The following BLM variants were observed in gnomAD, a reference collection of about 807,000 sequenced individuals.
BLM encodes BLM RecQ like helicase.
A neutral mutation model predicts 135.3 loss-of-function variants in BLM; 95 were observed. The ratio of observed to expected loss-of-function variants is 0.70; its 90% CI spans 0.59 to 0.83. The LOEUF (loss-of-function observed/expected upper bound fraction) is 0.83. Among genes scored for constraint, BLM ranks in the 40% least tolerant of loss-of-function variants. The probability of loss-of-function intolerance (pLI) is 0.00; values close to 1 mark genes in which losing one functional copy is unlikely to be tolerated. For synonymous variants in BLM, 520 were observed against 589.2 expected, an observed-to-expected ratio of 0.88 and a Z score of 1.70; for missense variants, 1,518 against 1,663.9, an observed-to-expected ratio of 0.91 and a Z score of 1.53.
At chr15:90,741,615 A>G (rs115135302) in intron 1 of BLM, among the ~76,000 whole-genome samples, 150 of 152,320 alleles carry the variant, frequency 9.8e-4, no homozygotes, top group African/African-American at 3.3e-3. Flanking sequence ...GTCAAAAACT[A>G]TGAAGGGTCT....
chr15:90,773,118 A>AAC (rs1896369946), intron 12 of BLM, among the ~76,000 whole-genome samples: 1 of 147,376 alleles, frequency 6.8e-6, no homozygotes, highest in Non-Finnish European at 1.5e-5. Flanking sequence ...AAAAAAAAAA[A>AAC]AGATAAAAGC....
intron 12 of BLM, among the ~76,000 whole-genome samples, chr15:90,775,632 C>T (rs2151172234): frequency 6.6e-6 from 1 of 151,982 alleles, no homozygotes; most frequent in South Asian, 2.1e-4. Context: ...CCGCCTCAGC[C>T]TCCTGAGTAG....
At chr15:90,724,215 G>T (rs1452109750) in intron 1 of BLM, among the ~76,000 whole-genome samples, 1 of 151,920 alleles carries the variant, frequency 6.6e-6, no homozygotes, top group Non-Finnish European at 1.5e-5. Context: ...GTCTTGCTTT[G>T]TTGCCTAGGC....
chr15:90,721,542 C>G (rs576945644), intron 1 of BLM, among the ~76,000 whole-genome samples: 4 of 152,056 alleles, frequency 2.6e-5, no homozygotes, highest in Non-Finnish European at 4.4e-5. Context: ...AGGCTGGTCT[C>G]AAACTCCTGA....
intron 1 of BLM, among the ~76,000 whole-genome samples, chr15:90,742,747 C>T (rs1895400279): frequency 1.3e-5 from 2 of 151,790 alleles, no homozygotes; most frequent in African/African-American, 2.4e-5. Flanking sequence ...TGATCCTTCC[C>T]ACCTCAGCCT....
At chr15:90,772,352 A>G (rs1036135028) in intron 12 of BLM, among the ~76,000 whole-genome samples, 5 of 152,324 alleles carry the variant, frequency 3.3e-5, no homozygotes, top group African/African-American at 9.6e-5. Context: ...GGGCCTTAAA[A>G]TATGAACTGG....
chr15:90,810,073 CT>C (rs35012069), intron 20 of BLM, among the ~76,000 whole-genome samples: 15,436 of 143,764 alleles, frequency 0.11, 1,400 homozygotes, highest in African/African-American at 0.26. Context: ...TACCTAGTCG[CT>C]TTTTTTTTTT....
chr15:90,794,459 T>A, intron 16 of BLM, 102 bp downstream of exon 16: 1 of 908,700 alleles, frequency 1.1e-6, no homozygotes, highest in South Asian at 2.0e-5. Flanking sequence ...TCCGACAGAT[T>A]AACAGGGGAA....
Position 90,804,377 on chromosome 15 carries a change from C to G in BLM, c.3751+18C>G, listed in dbSNP as rs2151195059. 1 of 1,603,058 alleles carries G rather than the reference C, an allele frequency of 6.2e-7. No individual in the cohort carries two copies. Among genetic ancestry groups the G allele is most frequent in the Non-Finnish European group, 8.5e-7 (1 of 1,169,990 alleles). ...GCTTGCAGGTGGGTACACATGTATC[C>G]TTTGTTACGTGGCACAGATTAATAG... On this transcript the variant is annotated intron_variant, in intron 19 of 21. Transcript: ENST00000355112.
At chr15:90,765,182 C>T (rs1044072252) in intron 8 of BLM, 114 bp from the exon 9 acceptor site, 14 of 839,170 alleles carry the variant, frequency 1.7e-5, no homozygotes, top group Non-Finnish European at 2.5e-5. Flanking sequence ...AAATTGTTGG[C>T]ACCAGGGACA....
chr15:90,724,210 G>A (rs374630873), intron 1 of BLM, among the ~76,000 whole-genome samples: 3 of 151,762 alleles, frequency 2.0e-5, no homozygotes, highest in African/African-American at 7.3e-5. Flanking sequence ...ACTGGGTCTT[G>A]CTTTGTTGCC....
At chr15:90,813,940 A>C (rs551628316) in intron 21 of BLM, among the ~76,000 whole-genome samples, 4 of 152,284 alleles carry the variant, frequency 2.6e-5, no homozygotes, top group Non-Finnish European at 5.9e-5. Context: ...GGGCTCTCTG[A>C]GTGGGAGTAA....
At chr15:90,811,580 T>A (rs1020241480) in intron 21 of BLM, among the ~76,000 whole-genome samples, 174 bp downstream of exon 21, 1 of 152,202 alleles carries the variant, frequency 6.6e-6, no homozygotes, top group African/African-American at 2.4e-5. Context: ...ACAAAAATAT[T>A]TGCTTCAAGA....
intron 21 of BLM, among the ~76,000 whole-genome samples, chr15:90,814,247 G>T (rs1045330056): frequency 2.6e-5 from 4 of 152,190 alleles, no homozygotes; most frequent in African/African-American, 9.6e-5. Context: ...AATTAGTGTG[G>T]GGCCTGACAT....
Position 90,754,038 on chromosome 15 carries a change from G to A in BLM, c.960-773G>A, listed in dbSNP as rs531954305. Among the ~76,000 whole-genome samples the A allele has an allele frequency of 7.9e-5, 12 of 152,274 alleles. No homozygotes were observed. The East Asian group carries it at 2.1e-3, about 27-fold the overall frequency. On this transcript the variant is annotated intron_variant, in intron 4 of 21. Transcript: ENST00000355112. The stretch of plus-strand genomic sequence containing the variant: ...AATACAGTTGATTCCCAGATGTCAA[G>A]CAAATAGAAATGTCCTTTTTAAAAT...
intron 4 of BLM, among the ~76,000 whole-genome samples, chr15:90,754,456 G>A (rs1895763178): frequency 6.6e-6 from 1 of 152,220 alleles, no homozygotes. Context: ...AAGAACAGGT[G>A]TGATTTGGGT....
chr15:90,759,956 CTTTT>C (rs367763242), intron 5 of BLM, 187 bp from the exon 6 acceptor site: 245 of 304,842 alleles, frequency 8.0e-4, no homozygotes, highest in East Asian at 1.1e-3. Context: ...GATCTTAAGA[CTTTT>C]TTTTTTTTTT....
At chr15:90,726,685 A>G (rs1319896883) in intron 1 of BLM, among the ~76,000 whole-genome samples, 3 of 152,218 alleles carry the variant, frequency 2.0e-5, no homozygotes, top group Non-Finnish European at 2.9e-5. Context: ...GTGAGAACAT[A>G]TGGTGTTTAA....
intron 1 of BLM, among the ~76,000 whole-genome samples, chr15:90,729,081 G>A (rs1386194303): frequency 6.6e-6 from 1 of 152,004 alleles, no homozygotes; most frequent in Non-Finnish European, 1.5e-5. Context: ...AGGCCGAGGC[G>A]GGCAGGTCAC....
Sources: allele counts gnomAD v4.1 joint callset (sites outside exome capture counted in the v4.1 genomes callset), GRCh38; gene constraint gnomAD v4.1.1; transcripts MANE v1.5; gene names NCBI Gene and HGNC (gene_info 2026-07-23, HGNC 2026-07-21).